Variants in PDE4B observed in about 807,000 individuals in gnomAD.
The protein encoded by PDE4B is phosphodiesterase 4B.
A neutral mutation model predicts 82.2 loss-of-function variants in PDE4B; 20 were observed. The observed-to-expected ratio is 0.24, with a 90% confidence interval of 0.17 to 0.35. The LOEUF is 0.35. PDE4B is among the 10% of genes least tolerant of loss of function. The probability of loss-of-function intolerance (pLI) is 1.00; values close to 1 mark genes in which losing one functional copy is unlikely to be tolerated. For missense variants in PDE4B, 655 were observed against 907.2 expected (o/e 0.72, Z 3.57); for synonymous variants, 320 against 318.9 (o/e 1.00, Z -0.04).
At chr1:66,101,323 T>A (rs1159330731) in intron 3 of PDE4B, among the ~76,000 whole-genome samples, 3 of 152,210 alleles carry the variant, frequency 2.0e-5, no homozygotes. Context: ...GCAGCATGAT[T>A]TATAATCCTT....
At chr1:65,799,551 G>C (rs1346834293) in intron 1 of PDE4B, among the ~76,000 whole-genome samples, 1 of 152,096 alleles carries the variant, frequency 6.6e-6, no homozygotes, top group Non-Finnish European at 1.5e-5. Context: ...TGGATTCCTA[G>C]GAAAGACCTC....
intron 3 of PDE4B, among the ~76,000 whole-genome samples, chr1:65,938,734 A>C (rs1648286143): frequency 1.3e-5 from 2 of 152,202 alleles, no homozygotes; most frequent in Admixed American, 1.3e-4. Flanking sequence ...TCATAAGAGC[A>C]TGAAAGAAGA....
intron 8 of PDE4B, among the ~76,000 whole-genome samples, chr1:66,348,173 G>A (rs10493402): frequency 0.079 from 12,067 of 152,104 alleles, 1,280 homozygotes; most frequent in African/African-American, 0.24. Flanking sequence ...TCATATTAAT[G>A]CCCTGTGGCC....
At chr1:66,333,881 A>G (rs935651539) in intron 8 of PDE4B, among the ~76,000 whole-genome samples, 2 of 151,940 alleles carry the variant, frequency 1.3e-5, no homozygotes, top group African/African-American at 2.4e-5. Flanking sequence ...GTTGGAAGGG[A>G]AAAAAAAAGA....
intron 3 of PDE4B, among the ~76,000 whole-genome samples, chr1:66,241,243 T>C (rs1652865638): frequency 6.6e-6 from 1 of 152,224 alleles, no homozygotes; most frequent in African/African-American, 2.4e-5. Context: ...GGTCGTGGGC[T>C]CTATATTAGG....
intron 3 of PDE4B, among the ~76,000 whole-genome samples, chr1:66,228,562 T>A (rs566372165): frequency 1.2e-3 from 179 of 151,394 alleles, no homozygotes; most frequent in African/African-American, 3.6e-3. Flanking sequence ...AGGCGGAGCT[T>A]GCAGTGAGCT....
rs374625115 is a variant in PDE4B at position 65,905,704 on chromosome 1, C to T, written c.-70-7541C>T. 9.9e-5 allele frequency among the ~76,000 whole-genome samples: 15 copies of T among 152,184 alleles called. No homozygotes were observed. In the East Asian group the frequency reaches 2.7e-3, roughly 27 times the overall value. On this transcript the variant is annotated intron_variant, in intron 1 of 16. Coordinates refer to ENST00000341517, the MANE Select transcript of PDE4B (RefSeq NM_002600.4). ...ACAATACCTGGAAAAGGACAGTAGC[C>T]TCCTCAATGAAGCTTTCCTTGATAA...
chr1:65,898,405 A>G (rs1646934487), intron 1 of PDE4B, among the ~76,000 whole-genome samples: 1 of 152,064 alleles, frequency 6.6e-6, no homozygotes, highest in African/African-American at 2.4e-5. Flanking sequence ...TTCTTTGCCA[A>G]TGCTAATGTC....
chr1:66,298,206 A>G (rs562084198), intron 7 of PDE4B, among the ~76,000 whole-genome samples: 13 of 152,314 alleles, frequency 8.5e-5, no homozygotes, highest in African/African-American at 2.9e-4. Flanking sequence ...CAAAGTCACT[A>G]TAGTCATATT....
intron 3 of PDE4B, among the ~76,000 whole-genome samples, chr1:65,944,065 C>A (rs1401650668): frequency 6.6e-6 from 1 of 151,942 alleles, no homozygotes; most frequent in Admixed American, 6.6e-5. Flanking sequence ...TGTCGTGATT[C>A]ATATCTTAGA....
At chr1:65,814,695 T>C (rs1358113685) in intron 1 of PDE4B, among the ~76,000 whole-genome samples, 1 of 152,174 alleles carries the variant, frequency 6.6e-6, no homozygotes, top group Non-Finnish European at 1.5e-5. Flanking sequence ...ATAAATAGAA[T>C]CATATAGTAT....
At chr1:65,994,977 C>G (rs1651453593) in intron 3 of PDE4B, among the ~76,000 whole-genome samples, 1 of 152,026 alleles carries the variant, frequency 6.6e-6, no homozygotes, top group South Asian at 2.1e-4. Context: ...TACAAATTTT[C>G]TGGCAGCAAA....
At chr1:66,054,295 G>T (rs950105732) in intron 3 of PDE4B, among the ~76,000 whole-genome samples, 1 of 152,120 alleles carries the variant, frequency 6.6e-6, no homozygotes, top group African/African-American at 2.4e-5. Flanking sequence ...TATTTGTCAT[G>T]ATTCTTTTGT....
chr1:65,815,019 CATTTTATT>C (rs530767544), intron 1 of PDE4B, among the ~76,000 whole-genome samples: 320 of 145,604 alleles, frequency 2.2e-3, no homozygotes, highest in African/African-American at 7.0e-3. Context: ...ATTCAACACA[CATTTTATT>C]TATTTATTTA....
At chr1:65,899,672 A>G (rs115101900) in intron 1 of PDE4B, among the ~76,000 whole-genome samples, 2,065 of 148,250 alleles carry the variant, frequency 0.014, 56 homozygotes, top group African/African-American at 0.049. Flanking sequence ...TCCATTTTAT[A>G]TATATATATA....
chr1:66,127,717 A>G (rs1570299243), intron 3 of PDE4B, among the ~76,000 whole-genome samples: 1 of 152,182 alleles, frequency 6.6e-6, no homozygotes, highest in East Asian at 1.9e-4. Flanking sequence ...ACGGCCCGTC[A>G]TTAGCAAAGA....
At chr1:65,983,920 A>G (rs12406977) in intron 3 of PDE4B, among the ~76,000 whole-genome samples, 10,985 of 152,310 alleles carry the variant, frequency 0.072, 442 homozygotes, top group South Asian at 0.14. Flanking sequence ...ATGGAAGAGA[A>G]AAGTATTAAA....
chr1:66,080,873 A>ATAGG (rs3036756), intron 3 of PDE4B, among the ~76,000 whole-genome samples: 34,914 of 151,892 alleles, frequency 0.23, 4,661 homozygotes, highest in Middle Eastern at 0.37. Flanking sequence ...ACAGTACCCA[A>ATAGG]TAGGTAGTTT....
chr1:65,875,677 C>A (rs1218499324), intron 1 of PDE4B, among the ~76,000 whole-genome samples: 1 of 150,144 alleles, frequency 6.7e-6, no homozygotes, highest in African/African-American at 2.4e-5. Flanking sequence ...TGGAAATCAT[C>A]ATTCTCAGTA....
Sources: gnomAD v4.1 joint callset for allele counts (sites outside exome capture counted in the v4.1 genomes callset) on GRCh38, gnomAD v4.1.1 for gene constraint, MANE v1.5 for transcripts, NCBI Gene and HGNC (gene_info 2026-07-23, HGNC 2026-07-21) for gene names.